CTNNA1: variants seen among roughly 807,000 people sequenced by gnomAD.
CTNNA1 encodes the protein catenin alpha-1.
CTNNA1 carries 37 observed loss-of-function variants against 98.4 expected under a neutral mutation model. The ratio of observed to expected loss-of-function variants is 0.38; its 90% confidence interval spans 0.29 to 0.49. The LOEUF is 0.49. CTNNA1 is among the 20% of genes least tolerant of loss of function. CTNNA1 has a pLI of 0.95. For synonymous variants in CTNNA1, 404 were observed against 413.2 expected (o/e 0.98, Z 0.27); for missense variants, 761 against 1,147.2 (o/e 0.66, Z 4.86).
intron 9 of CTNNA1, among the ~76,000 whole-genome samples, chr5:138,902,480 C>T (rs1006808286): frequency 1.3e-5 from 2 of 152,160 alleles, no homozygotes; most frequent in Non-Finnish European, 2.9e-5. Context: ...AGTGCAGTGG[C>T]GTGATCTCGG....
chr5:138,758,385 G>GT (rs1428976886), intron 1 of CTNNA1, among the ~76,000 whole-genome samples: 1 of 137,546 alleles, frequency 7.3e-6, no homozygotes, highest in Admixed American at 7.2e-5. Context: ...TTGTTTGTTT[G>GT]TTGTTGTTGT....
At chr5:138,872,735 CGATTGTATATAATTA>C in intron 7 of CTNNA1, 1 of 298,046 alleles carries the variant, frequency 3.4e-6, no homozygotes, top group Non-Finnish European at 6.2e-6. Context: ...GGTTTACACA[CGATTGTATATAATTA>C]CATACATTTC....
chr5:138,887,511 C>A lies in CTNNA1; in HGVS notation c.1165C>A (p.His389Asn), dbSNP rs1460381137. 1 of 1,606,716 alleles carries A rather than the reference C, an allele frequency of 6.2e-7. No homozygotes were observed. Among genetic ancestry groups the A allele is most frequent in the South Asian group, 1.1e-5 (1 of 89,276 alleles). Reference protein sequence around the residue: ...RRQLRKAVMDHVSDSFLETNV... With the variant: ...RRQLRKAVMDNVSDSFLETNV... ...TTAGCTCCGCAAAGCTGTCATGGAC[C>A]ACGTTTCAGATTCTTTCCTGGAAAC... Residue 389 changes from histidine to asparagine, a missense_variant, in exon 9 of 18, where the codon CAC becomes AAC. His to Asn is a moderately conservative substitution (Grantham distance 68). Around this residue, in one of 6 missense-constraint regions of CTNNA1, gnomAD observed 287 missense variants for 436.0 expected, o/e 0.66. Coordinates refer to ENST00000302763, the MANE Select transcript of CTNNA1 (RefSeq NM_001903.5).
intron 3 of CTNNA1, among the ~76,000 whole-genome samples, chr5:138,808,993 T>A (rs1370503212): frequency 1.3e-5 from 2 of 152,082 alleles, no homozygotes; most frequent in Non-Finnish European, 2.9e-5. Context: ...TTTTTAAAAA[T>A]TTTTTTAAAG....
intron 1 of CTNNA1, among the ~76,000 whole-genome samples, chr5:138,765,805 T>C (rs1245443239): frequency 1.3e-5 from 2 of 151,756 alleles, no homozygotes; most frequent in Non-Finnish European, 2.9e-5. Context: ...AAAAATTAGC[T>C]GGGCATGGTG....
At chr5:138,880,749 A>G (rs962557563) in intron 7 of CTNNA1, 3 of 292,546 alleles carry the variant, frequency 1.0e-5, no homozygotes, top group African/African-American at 4.4e-5. Flanking sequence ...ATACCCGTTC[A>G]TACTTACTTG....
chr5:138,933,717 G>C, intron 17 of CTNNA1, 85 bp from the exon 18 acceptor site: 1 of 1,423,742 alleles, frequency 7.0e-7, no homozygotes, highest in Admixed American at 2.0e-5. Flanking sequence ...GAGGAGTAGG[G>C]GGCTCCCCTT....
intron 7 of CTNNA1, among the ~76,000 whole-genome samples, chr5:138,866,529 A>C (rs989479577): frequency 9.2e-5 from 14 of 152,180 alleles, no homozygotes; most frequent in African/African-American, 3.4e-4. Flanking sequence ...TAAGTGAGGC[A>C]TGAACCATTG....
chr5:138,806,065 G>A (rs187949658), intron 3 of CTNNA1, among the ~76,000 whole-genome samples: 245 of 152,272 alleles, frequency 1.6e-3, no homozygotes, highest in Non-Finnish European at 1.5e-3. Context: ...GTAAGTATAT[G>A]GTGTGAGATA....
chr5:138,929,946 G>C (rs1369817826), intron 14 of CTNNA1, among the ~76,000 whole-genome samples: 2 of 152,172 alleles, frequency 1.3e-5, no homozygotes, highest in African/African-American at 4.8e-5. Flanking sequence ...AGCTGAGAGG[G>C]AGGAGCTCCC....
chr5:138,791,675 A>C (rs932216654), intron 3 of CTNNA1, among the ~76,000 whole-genome samples: 22 of 142,626 alleles, frequency 1.5e-4, no homozygotes, highest in Admixed American at 1.3e-3. Context: ...AGAAAGGAGT[A>C]TTTATTGTCT....
At chr5:138,814,345 T>C (rs373077806) in intron 5 of CTNNA1, among the ~76,000 whole-genome samples, 23 of 150,816 alleles carry the variant, frequency 1.5e-4, no homozygotes, top group African/African-American at 5.6e-4. Flanking sequence ...GCCTCCCGGG[T>C]TCAAGTGATT....
intron 3 of CTNNA1, among the ~76,000 whole-genome samples, chr5:138,791,893 G>A (rs567601051): frequency 6.8e-6 from 1 of 147,766 alleles, no homozygotes; most frequent in African/African-American, 2.5e-5. Context: ...GGGTACATGT[G>A]CACAGCATGC....
At chr5:138,929,478 C>T (rs1280087145) in intron 14 of CTNNA1, 122 bp downstream of exon 14, 2 of 617,898 alleles carry the variant, frequency 3.2e-6, no homozygotes, top group African/African-American at 1.8e-5. Flanking sequence ...GTCTCTCTGG[C>T]AGTAGACTGA....
intron 7 of CTNNA1, among the ~76,000 whole-genome samples, chr5:138,881,566 T>C (rs1336882673): frequency 6.6e-6 from 1 of 152,264 alleles, no homozygotes. Flanking sequence ...TTTAAAGTTC[T>C]CTTTCCTCTC....
chr5:138,809,407 A>C (rs1318262498), intron 3 of CTNNA1, among the ~76,000 whole-genome samples: 1 of 152,194 alleles, frequency 6.6e-6, no homozygotes, highest in African/African-American at 2.4e-5. Flanking sequence ...GTTTCTGCTT[A>C]ACATTTTTCA....
intron 1 of CTNNA1, among the ~76,000 whole-genome samples, chr5:138,769,192 CCTT>C (rs1016173397): frequency 2.6e-5 from 4 of 151,844 alleles, no homozygotes; most frequent in African/African-American, 4.8e-5. Context: ...GAGCCTGGCT[CCTT>C]CTTGTTTTCC....
rs564529948 is a variant in CTNNA1 at position 138,811,798 on chromosome 5, A to C, written c.469-385A>C. ...TCAGGCGTGGCAGCGCACGCCTGCA[A>C]ATCGCAGGCACTCGGCAGGCTGAGG... is the stretch of plus-strand genomic sequence containing the variant. On this transcript the variant is annotated intron_variant, in intron 4 of 17. Coordinates refer to ENST00000302763, the MANE Select transcript of CTNNA1 (RefSeq NM_001903.5). Among the ~76,000 whole-genome samples the C allele has an allele frequency of 9.8e-5, 15 of 152,300 alleles. 1 individual carries two copies. In the South Asian group the frequency reaches 3.1e-3, roughly 32 times the overall value.
chr5:138,810,856 A>G (rs962689535), intron 4 of CTNNA1, among the ~76,000 whole-genome samples: 5 of 149,608 alleles, frequency 3.3e-5, no homozygotes, highest in African/African-American at 7.4e-5. Context: ...TCACTTCCCC[A>G]GTAGGGGCGG....
Sources: allele counts gnomAD v4.1 joint callset (sites outside exome capture counted in the v4.1 genomes callset), GRCh38; gene constraint gnomAD v4.1.1; regional missense constraint gnomAD v4.1.1; transcripts MANE v1.5; gene names NCBI Gene and HGNC (gene_info 2026-07-23, HGNC 2026-07-21).